Variants in KHDRBS3 observed in about 807,000 individuals in gnomAD.
KHDRBS3 encodes KH domain-containing, RNA-binding, signal transduction-associated protein 3.
A neutral mutation model predicts 45.6 loss-of-function variants in KHDRBS3; 23 were observed. That is an observed-to-expected ratio of 0.50 (90% confidence interval 0.36 to 0.72). The LOEUF (loss-of-function observed/expected upper bound fraction) is 0.72. Ranked by LOEUF, KHDRBS3 falls within the 30% of genes least tolerant of loss-of-function variation. KHDRBS3 has a pLI of 0.00. For missense variants in KHDRBS3, 352 were observed against 424.8 expected (o/e 0.83, Z 1.51); for synonymous variants, 162 against 156.5 (o/e 1.04, Z -0.26).
intron 6 of KHDRBS3, among the ~76,000 whole-genome samples, chr8:135,588,672 G>A (rs894777026): frequency 2.0e-5 from 3 of 152,086 alleles, no homozygotes; most frequent in Admixed American, 1.3e-4. Context: ...ATAACAAAAC[G>A]CCCTCCTTTC....
chr8:135,482,088 G>T (rs766153625), intron 1 of KHDRBS3, among the ~76,000 whole-genome samples: 9 of 152,176 alleles, frequency 5.9e-5, no homozygotes, highest in Non-Finnish European at 1.2e-4. Context: ...ACAGTAATAG[G>T]CACACTGCCA....
chr8:135,462,698 G>C (rs528175202), intron 1 of KHDRBS3, among the ~76,000 whole-genome samples: 1 of 152,158 alleles, frequency 6.6e-6, no homozygotes, highest in African/African-American at 2.4e-5. Context: ...TTTTTCAGTT[G>C]TAGAAACCAA....
intron 5 of KHDRBS3, among the ~76,000 whole-genome samples, chr8:135,574,618 A>G (rs1288068815): frequency 6.6e-6 from 1 of 152,204 alleles, no homozygotes; most frequent in African/African-American, 2.4e-5. Flanking sequence ...GCAATCATGG[A>G]TATTGGATAA....
chr8:135,622,943 C>T (rs1236922556), intron 7 of KHDRBS3, among the ~76,000 whole-genome samples: 2 of 152,232 alleles, frequency 1.3e-5, no homozygotes, highest in Non-Finnish European at 2.9e-5. Context: ...CGGCAGCCTT[C>T]CCGGCCTTCC....
At position 135,607,081 on chromosome 8, in the gene KHDRBS3, C is replaced by A. The variant is rs574232158; in HGVS notation, c.890+44C>A. The A allele has an allele frequency of 1.1e-5, 15 of 1,426,180 alleles. No homozygotes were observed. In the African/African-American group the frequency reaches 1.1e-4, roughly 11 times the overall value. 88.3% of individuals were successfully genotyped at this position (1,426,180 alleles called of 1,614,324 possible). The stretch of plus-strand genomic sequence containing the variant: ...TACCAGACCCCACAACAGAAACCAT[C>A]CCCTTCCACATTCATATATTCTGGG... On this transcript the variant is annotated intron_variant, in intron 7 of 8. Coordinates refer to ENST00000355849, the MANE Select transcript of KHDRBS3 (RefSeq NM_006558.3).
chr8:135,654,666 C>T (rs1225556952), intron 4 of KHDRBS3, among the ~76,000 whole-genome samples: 1 of 152,172 alleles, frequency 6.6e-6, no homozygotes, highest in Admixed American at 6.5e-5. Flanking sequence ...TCCTCAGACT[C>T]CTGCTGGTCT....
chr8:135,518,375 C>G (rs1477452037), intron 1 of KHDRBS3, among the ~76,000 whole-genome samples: 1 of 152,084 alleles, frequency 6.6e-6, no homozygotes, highest in Admixed American at 6.6e-5. Flanking sequence ...GGGGTTTCAC[C>G]TTGTTAGCCA....
chr8:135,633,078 CG>C lies in KHDRBS3; in HGVS notation c.891-11980del, dbSNP rs1830670539. Among the ~76,000 whole-genome samples, 4 of 152,190 alleles carry C rather than the reference CG, an allele frequency of 2.6e-5. No individual in the cohort carries two copies. The East Asian group carries it at 7.7e-4, about 29-fold the overall frequency. ...ACTCTCAGTAGCACATCTGATCATG[CG>C]ACGTATTATTTATACATATATATAG... On this transcript the variant is annotated intron_variant, in intron 7 of 8. Transcript: ENST00000355849.
chr8:135,607,602 T>C (rs1014588669), intron 7 of KHDRBS3, among the ~76,000 whole-genome samples: 40 of 152,356 alleles, frequency 2.6e-4, no homozygotes, highest in Admixed American at 2.2e-3. Flanking sequence ...TCTGATAATA[T>C]TACCTTGATG....
At chr8:135,524,076 C>G (rs984335519) in intron 2 of KHDRBS3, among the ~76,000 whole-genome samples, 2 of 151,976 alleles carry the variant, frequency 1.3e-5, no homozygotes, top group African/African-American at 2.4e-5. Flanking sequence ...AGTGCAGTCA[C>G]GCGACCTTGA....
At chr8:135,494,207 T>TC (rs941809873) in intron 1 of KHDRBS3, among the ~76,000 whole-genome samples, 16 of 151,860 alleles carry the variant, frequency 1.1e-4, no homozygotes, top group African/African-American at 3.4e-4. Flanking sequence ...ATTATTTTTT[T>TC]CCAATATTTT....
intron 5 of KHDRBS3, 63 bp downstream of exon 5, chr8:135,557,650 AG>A: frequency 7.9e-7 from 1 of 1,263,682 alleles, no homozygotes; most frequent in South Asian, 1.3e-5. Context: ...TTCCTTTATT[AG>A]TAGCCAAAAC....
chr8:135,500,696 A>T (rs1480759946), intron 1 of KHDRBS3, among the ~76,000 whole-genome samples: 1 of 152,226 alleles, frequency 6.6e-6, no homozygotes, highest in African/African-American at 2.4e-5. Context: ...ACATCTGCTG[A>T]TGGTTTAAGA....
chr8:135,577,020 T>A (rs969434584), intron 5 of KHDRBS3, among the ~76,000 whole-genome samples: 3 of 152,268 alleles, frequency 2.0e-5, no homozygotes, highest in Non-Finnish European at 4.4e-5. Context: ...CCAGGATACA[T>A]GTACAGTGAC....
At chr8:135,651,193 C>T (rs13259595), downstream of KHDRBS3, among the ~76,000 whole-genome samples, 1 of 152,064 alleles carries the variant, frequency 6.6e-6, no homozygotes, top group Admixed American at 6.6e-5. Flanking sequence ...TACTTCCGCT[C>T]TGCCCTTCAC....
At chr8:135,517,619 C>T (rs1824679238) in intron 1 of KHDRBS3, among the ~76,000 whole-genome samples, 2 of 152,102 alleles carry the variant, frequency 1.3e-5, no homozygotes, top group African/African-American at 4.8e-5. Context: ...ACAGCATCTG[C>T]TAAAAACAAG....
chr8:135,480,151 A>G (rs1340648669), intron 1 of KHDRBS3, among the ~76,000 whole-genome samples: 3 of 152,170 alleles, frequency 2.0e-5, no homozygotes, highest in Non-Finnish European at 4.4e-5. Context: ...TTAGGAATAG[A>G]AAGGAACTTC....
At position 135,552,907 on chromosome 8, in the gene KHDRBS3, G is replaced by A. The variant is rs141684301; in HGVS notation, c.471+4007G>A. Among the ~76,000 whole-genome samples the A allele has an allele frequency of 2.5e-3, 386 of 152,248 alleles. 1 individual carries two copies. The highest frequency in any genetic ancestry group is 4.5e-3 in the Non-Finnish European group (309 of 68,020). On this transcript the variant is annotated intron_variant, in intron 4 of 8. Transcript: ENST00000355849. ...GATGGAGCTGTGTGTGTACATAGGG[G>A]AGTGGATCCAAGAAGACTCTCGCCA...
intron 5 of KHDRBS3, among the ~76,000 whole-genome samples, chr8:135,569,957 A>G (rs987142686): frequency 1.4e-4 from 21 of 152,232 alleles, no homozygotes; most frequent in Non-Finnish European, 2.4e-4. Context: ...ACAAAAAACA[A>G]AACCTCTCTG....
Sources: allele counts gnomAD v4.1 joint callset (sites outside exome capture counted in the v4.1 genomes callset), GRCh38; gene constraint gnomAD v4.1.1; transcripts MANE v1.5; gene names NCBI Gene and HGNC (gene_info 2026-07-23, HGNC 2026-07-21).